Variants in OTOF observed in about 807,000 individuals in gnomAD.
OTOF encodes otoferlin, also known as fer-1-like family member 2.
In OTOF, 218 loss-of-function variants were observed where a neutral mutation model predicts 236.8. That is an observed-to-expected ratio of 0.92 (90% CI 0.82 to 1.03). The LOEUF (loss-of-function observed/expected upper bound fraction) is 1.03, where lower values mean the gene tolerates loss of function less well. Ranked by LOEUF, OTOF falls within the 50% of genes least tolerant of loss-of-function variation. The probability of loss-of-function intolerance (pLI) is 0.00; values close to 1 mark genes in which losing one functional copy is unlikely to be tolerated. For missense variants in OTOF, 2,590 were observed against 2,694.4 expected, an observed-to-expected ratio of 0.96 and a Z score of 0.86; for synonymous variants, 1,041 against 1,072.5, an observed-to-expected ratio of 0.97 and a Z score of 0.57.
Position 26,558,505 on chromosome 2 carries a change from C to T in OTOF, c.67G>A (p.Val23Met). The change falls in exon 1 of 47, where the codon GTG becomes ATG. Residue 23 changes from valine (V) to methionine (M), a missense_variant. Physicochemically the swap from Val to Met is conservative, Grantham distance 21. This residue lies in a region of OTOF where 1,379 missense variants were observed against 1,341.6 expected (regional missense o/e 1.03). Coordinates refer to ENST00000272371, the MANE Select transcript of OTOF (RefSeq NM_194248.3). ...GCGGCTTCCCTACCTCGGAAAGTCA[C>T]TTTGGCGATCCGGTCGCCCCTGCCC... ...LRGRGDRIAKVTFRGQSFYSR... is the reference protein window; with the variant it reads ...LRGRGDRIAKMTFRGQSFYSR... The T allele has an allele frequency of 1.2e-6, 2 of 1,613,836 alleles. No individual in the cohort carries two copies. Among genetic ancestry groups the T allele is most frequent in the East Asian group, 2.2e-5 (1 of 44,868 alleles).
chr2:26,489,747 G>C lies in OTOF; in HGVS notation c.898-7C>G, dbSNP rs759101419. The C allele has an allele frequency of 6.2e-7, 1 of 1,610,884 alleles. No homozygotes were observed. The highest frequency in any genetic ancestry group is 1.1e-5 in the South Asian group (1 of 91,044). On this transcript the variant is annotated splice_region_variant and splice_polypyrimidine_tract_variant and intron_variant, in intron 9 of 46. Transcript: ENST00000272371. ...GGAAGTCGAAGACGAAGTACTGGAG[G>C]GGGAAGGATCCAGGCCTGCTGTCAC...
intron 7 of OTOF, 124 bp from the exon 8 acceptor site, chr2:26,501,932 G>T: frequency 5.3e-6 from 4 of 761,284 alleles, no homozygotes; most frequent in Non-Finnish European, 9.6e-6. Flanking sequence ...AAACACTCAA[G>T]CACTGCCAAG....
rs921891243 is a variant in OTOF, at chr2:26,476,009, T to C, written c.2896A>G (p.Met966Val). 6.2e-7 allele frequency: 1 copy of C among 1,612,608 alleles called. No homozygotes were observed. Among genetic ancestry groups the C allele is most frequent in the Non-Finnish European group, 8.5e-7 (1 of 1,179,894 alleles). The change falls in exon 24 of 47, where the codon ATG becomes GTG. Residue 966 changes from methionine to valine, a missense_variant. Met to Val is a conservative substitution (Grantham distance 21). Around this residue, in one of 2 missense-constraint regions of OTOF, gnomAD observed 1,379 missense variants for 1,341.6 expected, o/e 1.03. Coordinates refer to ENST00000272371, the MANE Select transcript of OTOF (RefSeq NM_194248.3). The stretch of plus-strand genomic sequence containing the variant: ...GCAAAGAGGCTGCGGGCCTGGTACA[T>C]GTGCGCTCGGAGCTGGAACGCCTGC... ...KKQAFQLRAH[M>V]YQARSLFAAD...
At chr2:26,556,306 G>A (rs1013987756) in intron 1 of OTOF, among the ~76,000 whole-genome samples, 2 of 152,196 alleles carry the variant, frequency 1.3e-5, no homozygotes, top group South Asian at 2.1e-4. Flanking sequence ...ATTGTAGAGC[G>A]GGTCCATTCC....
chr2:26,510,652 G>C, intron 5 of OTOF: 4 of 1,171,378 alleles, frequency 3.4e-6, no homozygotes, highest in Non-Finnish European at 4.5e-6. Flanking sequence ...TGGGGAGGAG[G>C]CCTCTGTCTC....
intron 1 of OTOF, among the ~76,000 whole-genome samples, chr2:26,542,552 C>G (rs1259224029): frequency 6.6e-6 from 1 of 152,186 alleles, no homozygotes; most frequent in Non-Finnish European, 1.5e-5. Flanking sequence ...CAGAGGCACA[C>G]GCATTGACGC....
chr2:26,467,258 G>A, intron 34 of OTOF, 25 bp from the exon 35 acceptor site: 2 of 1,614,054 alleles, frequency 1.2e-6, no homozygotes, highest in Non-Finnish European at 1.7e-6. Context: ...GCTGTTAGGG[G>A]GCGGCTGCCT....
chr2:26,558,393 C>T lies in OTOF; in HGVS notation c.79+100G>A, dbSNP rs560586307. On this transcript the variant is annotated intron_variant, in intron 1 of 46. Coordinates refer to ENST00000272371, the MANE Select transcript of OTOF (RefSeq NM_194248.3). Reference sequence around the variant, plus strand: ...CCCCAGCCCCTGCTAGAACTTTTCCCACCCATCCTCCCAGCCCTGTCCTAT... The same window carrying T: ...CCCCAGCCCCTGCTAGAACTTTTCCTACCCATCCTCCCAGCCCTGTCCTAT... 625 of 1,071,146 alleles carry T rather than the reference C, an allele frequency of 5.8e-4. 1 individual carries two copies. Among genetic ancestry groups the T allele is most frequent in the Non-Finnish European group, 7.6e-4 (522 of 687,302 alleles). 66.4% of individuals were successfully genotyped at this position (1,071,146 alleles called of 1,614,324 possible). A position where few individuals can be genotyped will look rare whatever the true frequency, so the allele number is the denominator to read the frequency against.
chr2:26,552,637 C>G (rs527453505), intron 1 of OTOF, among the ~76,000 whole-genome samples: 202 of 152,266 alleles, frequency 1.3e-3, no homozygotes, highest in African/African-American at 4.7e-3. Context: ...GTCTGCCCTT[C>G]GCTGGTGTGC....
chr2:26,514,239 G>A (rs1031237610), intron 5 of OTOF, among the ~76,000 whole-genome samples: 4 of 152,272 alleles, frequency 2.6e-5, no homozygotes, highest in Admixed American at 6.5e-5. Flanking sequence ...CACTGCCCCT[G>A]CAATGCAGGG....
chr2:26,550,461 C>A (rs946831584), intron 1 of OTOF, among the ~76,000 whole-genome samples: 1 of 152,188 alleles, frequency 6.6e-6, no homozygotes, highest in African/African-American at 2.4e-5. Flanking sequence ...AGGCTCCATG[C>A]TGCTGCTGGG....
chr2:26,506,315 T>C (rs1043689271), intron 5 of OTOF, among the ~76,000 whole-genome samples: 3 of 152,230 alleles, frequency 2.0e-5, no homozygotes, highest in African/African-American at 7.2e-5. Flanking sequence ...CTAGGCTGTG[T>C]TATTCTTGGA....
chr2:26,519,353 C>G (rs979918386), intron 3 of OTOF, among the ~76,000 whole-genome samples: 1 of 152,194 alleles, frequency 6.6e-6, no homozygotes, highest in African/African-American at 2.4e-5. Context: ...CAGTGAGCAC[C>G]CTTAGGGGAT....
chr2:26,504,708 G>A (rs1346656129), intron 5 of OTOF, among the ~76,000 whole-genome samples: 1 of 134,416 alleles, frequency 7.4e-6, no homozygotes, highest in Non-Finnish European at 1.7e-5. Context: ...CCCTGCAGCC[G>A]AGCCTGTGGT....
intron 8 of OTOF, among the ~76,000 whole-genome samples, 188 bp from the exon 9 acceptor site, chr2:26,495,261 C>A (rs1665954026): frequency 6.6e-6 from 1 of 151,648 alleles, no homozygotes; most frequent in Non-Finnish European, 1.5e-5. Context: ...TCCTTCTATG[C>A]CTCAAGTGTC....
At chr2:26,533,955 G>A (rs1667008318) in intron 2 of OTOF, among the ~76,000 whole-genome samples, 1 of 152,096 alleles carries the variant, frequency 6.6e-6, no homozygotes, top group African/African-American at 2.4e-5. Flanking sequence ...CCAGGCTGGA[G>A]ACCTCTTCTT....
At chr2:26,465,264 C>T (rs940096183) in intron 38 of OTOF, among the ~76,000 whole-genome samples, 1 of 152,208 alleles carries the variant, frequency 6.6e-6, no homozygotes, top group African/African-American at 2.4e-5. Flanking sequence ...CCCACTGCAT[C>T]CCCTCACTGT....
In OTOF at chr2:26,473,878, G is replaced by T; in HGVS notation, c.3408+113C>A. On this transcript the variant is annotated intron_variant, in intron 27 of 46. Coordinates refer to ENST00000272371, the MANE Select transcript of OTOF (RefSeq NM_194248.3). The surrounding 1 kb of genome is among the most constrained non-coding windows in gnomAD (Gnocchi z 7.2). ...GGCCCTGGGCTGGGGCAGGAGCCTG[G>T]GTCTGCTGCTGGCTCCTGGTGATGG... 4 of 1,405,588 alleles carry T rather than the reference G, an allele frequency of 2.8e-6. No homozygotes were observed. The highest frequency in any genetic ancestry group is 4.0e-6 in the Non-Finnish European group (4 of 993,862). The allele number at this position is 1,405,588 out of a possible 1,614,324, so 87.1% of individuals were successfully genotyped here. A position where few individuals can be genotyped will look rare whatever the true frequency, so the allele number is the denominator to read the frequency against.
chr2:26,482,645 G>A, intron 13 of OTOF, 53 bp from the exon 14 acceptor site: 1 of 1,498,220 alleles, frequency 6.7e-7, no homozygotes, highest in Non-Finnish European at 9.2e-7. Context: ...GTGAGTGGGT[G>A]CATGTGTGTG....
Sources: allele counts gnomAD v4.1 joint callset (sites outside exome capture counted in the v4.1 genomes callset), GRCh38; gene constraint gnomAD v4.1.1; regional missense constraint gnomAD v4.1.1; non-coding constraint Gnocchi (gnomAD v3.1); transcripts MANE v1.5; gene names NCBI Gene and HGNC (gene_info 2026-07-23, HGNC 2026-07-21).